Variants in GFRA1 observed in about 807,000 individuals in gnomAD.
GFRA1 encodes GDNF family receptor alpha 1.
GFRA1 carries 16 observed loss-of-function variants against 51.6 expected under a neutral mutation model. The ratio of observed to expected loss-of-function variants is 0.31; its 90% CI spans 0.21 to 0.47. The LOEUF (loss-of-function observed/expected upper bound fraction) is 0.47. Ranked by LOEUF, GFRA1 falls within the 20% of genes least tolerant of loss-of-function variation. The pLI, the probability that GFRA1 is intolerant of heterozygous loss-of-function variation, is 1.00. For missense variants in GFRA1, 530 were observed against 594.3 expected (o/e 0.89, Z 1.13); for synonymous variants, 270 against 241.3 (o/e 1.12, Z -1.10).
chr10:116,199,346 C>A (rs889456565), intron 5 of GFRA1, among the ~76,000 whole-genome samples: 3 of 152,186 alleles, frequency 2.0e-5, no homozygotes, highest in African/African-American at 7.2e-5. Flanking sequence ...GGTGGTCCAC[C>A]TCTGACAGAC....
At chr10:116,196,346 G>A (rs116492461) in intron 5 of GFRA1, among the ~76,000 whole-genome samples, 5 of 150,690 alleles carry the variant, frequency 3.3e-5, no homozygotes, top group East Asian at 3.9e-4. Context: ...ATAATTTGCC[G>A]GACGTGGTGG....
At chr10:116,180,635 C>G (rs760855372) in intron 5 of GFRA1, among the ~76,000 whole-genome samples, 1 of 152,122 alleles carries the variant, frequency 6.6e-6, no homozygotes, top group African/African-American at 2.4e-5. Flanking sequence ...GATTCTATAC[C>G]CACCCACGGC....
chr10:116,223,483 T>G (rs1280537624), intron 4 of GFRA1, among the ~76,000 whole-genome samples: 1 of 152,218 alleles, frequency 6.6e-6, no homozygotes, highest in Admixed American at 6.5e-5. Context: ...CAGGCTTAGA[T>G]AGCCTATGTG....
intron 5 of GFRA1, among the ~76,000 whole-genome samples, chr10:116,190,540 T>G (rs1222375586): frequency 6.6e-6 from 1 of 152,190 alleles, no homozygotes; most frequent in Non-Finnish European, 1.5e-5. Context: ...TGAAGAATGC[T>G]GCCAGGATCC....
intron 6 of GFRA1, among the ~76,000 whole-genome samples, chr10:116,111,695 C>G (rs1230052755): frequency 6.6e-6 from 1 of 152,202 alleles, no homozygotes; most frequent in Non-Finnish European, 1.5e-5. Context: ...GGCCAACATT[C>G]TCTAAGGCAG....
chr10:116,127,762 C>T (rs1438098923), intron 5 of GFRA1, among the ~76,000 whole-genome samples: 7 of 152,184 alleles, frequency 4.6e-5, no homozygotes, highest in Non-Finnish European at 1.0e-4. Flanking sequence ...TTTGAGACTT[C>T]TAACATTTTG....
chr10:116,079,203 G>A (rs1417431204), intron 9 of GFRA1, among the ~76,000 whole-genome samples: 1 of 151,974 alleles, frequency 6.6e-6, no homozygotes, highest in African/African-American at 2.4e-5. Flanking sequence ...CGCTCACTGG[G>A]AACCCAATCT....
intron 5 of GFRA1, among the ~76,000 whole-genome samples, chr10:116,125,907 A>G (rs532496553): frequency 2.0e-5 from 3 of 152,356 alleles, no homozygotes; most frequent in African/African-American, 7.2e-5. Context: ...AAAAGAAAAA[A>G]ACAACAAATT....
chr10:116,095,493 G>A (rs955705434), intron 7 of GFRA1, among the ~76,000 whole-genome samples: 1 of 152,172 alleles, frequency 6.6e-6, no homozygotes, highest in Non-Finnish European at 1.5e-5. Context: ...AAAGGAGAGA[G>A]TGAATGCAAG....
At chr10:116,065,728 G>T in intron 9 of GFRA1, 102 bp from the exon 10 acceptor site, 2 of 847,042 alleles carry the variant, frequency 2.4e-6, no homozygotes. Context: ...TGATAAATAT[G>T]TGAGACACAG....
chr10:116,135,520 C>T (rs781418455), intron 5 of GFRA1, among the ~76,000 whole-genome samples: 1 of 152,170 alleles, frequency 6.6e-6, no homozygotes, highest in Non-Finnish European at 1.5e-5. Flanking sequence ...TAAGATGGCA[C>T]AATTTAGTTA....
At chr10:116,213,070 T>C (rs57190424) in intron 4 of GFRA1, among the ~76,000 whole-genome samples, 175 of 152,250 alleles carry the variant, frequency 1.1e-3, no homozygotes, top group Middle Eastern at 3.4e-3. Flanking sequence ...GATGGTAGGA[T>C]TGTAAAAAGG....
chr10:116,259,543 A>G (rs1969144942), intron 4 of GFRA1, among the ~76,000 whole-genome samples: 1 of 152,234 alleles, frequency 6.6e-6, no homozygotes. Flanking sequence ...TTAAGAACCC[A>G]TCAGACGGCA....
intron 9 of GFRA1, among the ~76,000 whole-genome samples, chr10:116,071,859 T>A (rs1955409773): frequency 6.6e-6 from 1 of 151,432 alleles, no homozygotes; most frequent in Non-Finnish European, 1.5e-5. Context: ...TTTATTCTAT[T>A]TTTTTTTTAA....
chr10:116,103,663 A>C (rs1343226880), intron 6 of GFRA1, among the ~76,000 whole-genome samples: 1 of 152,252 alleles, frequency 6.6e-6, no homozygotes, highest in Non-Finnish European at 1.5e-5. Flanking sequence ...TTGCAGAATA[A>C]AAACAATTAG....
chr10:116,123,062 C>T (rs1461237604), intron 6 of GFRA1, among the ~76,000 whole-genome samples: 1 of 152,246 alleles, frequency 6.6e-6, no homozygotes, highest in Non-Finnish European at 1.5e-5. Context: ...ATCTCTGCTC[C>T]ATCCCATCGC....
chr10:116,122,211 C>T (rs1426936959), intron 6 of GFRA1, among the ~76,000 whole-genome samples: 3 of 152,180 alleles, frequency 2.0e-5, no homozygotes, highest in African/African-American at 7.2e-5. Context: ...CCTAAACAGC[C>T]TCTGAGCTTC....
chr10:116,209,571 G>T (rs1011169812), intron 5 of GFRA1, among the ~76,000 whole-genome samples: 2 of 152,194 alleles, frequency 1.3e-5, no homozygotes, highest in African/African-American at 4.8e-5. Context: ...CCCAGACAAC[G>T]CAGTGGCGTC....
chr10:116,117,549 G>GTGGATGGATGGATGGATGGA (rs1957463450), intron 6 of GFRA1, among the ~76,000 whole-genome samples: 2 of 120,652 alleles, frequency 1.7e-5, no homozygotes, highest in South Asian at 2.9e-4. Context: ...GGGTGGGTGG[G>GTGGATGGATGGATGGATGGA]TGGGTGTGTG....
Sources: gnomAD v4.1 joint callset for allele counts (sites outside exome capture counted in the v4.1 genomes callset) on GRCh38, gnomAD v4.1.1 for gene constraint, MANE v1.5 for transcripts, NCBI Gene and HGNC (gene_info 2026-07-23, HGNC 2026-07-21) for gene names.